The following BORCS8 variants were observed in gnomAD, a reference collection of about 807,000 sequenced individuals.
BORCS8 encodes BLOC-1 related complex subunit 8, also known as BLOC-1-related complex subunit 8.
Under a neutral mutation model 18.7 loss-of-function variants are expected in BORCS8, and 13 were observed. The ratio of observed to expected loss-of-function variants is 0.70; its 90% confidence interval spans 0.45 to 1.11. BORCS8 has a LOEUF of 1.11. Among genes scored for constraint, BORCS8 ranks in the 50% least tolerant of loss-of-function variants. The pLI, the probability that BORCS8 is intolerant of heterozygous loss-of-function variation, is 0.00. For missense variants in BORCS8, 165 were observed against 165.7 expected (o/e 1.00, Z 0.02); for synonymous variants, 68 against 64.8 (o/e 1.05, Z -0.24).
chr19:19,182,692 G>A lies in BORCS8; in HGVS notation c.216-9C>T, dbSNP rs1416760517. 1 of 1,549,444 alleles carries A rather than the reference G, an allele frequency of 6.5e-7. No individual in the cohort carries two copies. The highest frequency in any genetic ancestry group is 2.0e-5 in the Admixed American group (1 of 50,954). ...CCAGGTTCTTCACGGCGCTGAAACG[G>A]GAGGACAGGCCTGGTCAGCGCTCCG... is the stretch of plus-strand genomic sequence containing the variant. On this transcript the variant is annotated splice_polypyrimidine_tract_variant and intron_variant, in intron 3 of 5. Transcript: ENST00000462790. The surrounding 1 kb of genome is among the most constrained non-coding windows in gnomAD (Gnocchi z 4.1).
chr19:19,177,710 AAAGAAAAG>A (rs1036286671), intron 5 of BORCS8: 1 of 92,588 alleles, frequency 1.1e-5, no homozygotes, highest in Non-Finnish European at 2.2e-5. Flanking sequence ...AAAGAAAAGA[AAAGAAAAG>A]AAAAGAAAAG....
chr19:19,180,352 T>G lies in BORCS8; in HGVS notation c.*42+334A>C, dbSNP rs756793. 9.2e-3 allele frequency: 3,273 copies of G among 354,486 alleles called. 106 individuals are homozygous for G. The highest frequency in any genetic ancestry group is 0.083 in the East Asian group (1,164 of 14,044). The allele number at this position is 354,486 out of a possible 1,614,324, so 22.0% of individuals were successfully genotyped here. On this transcript the variant is annotated intron_variant, in intron 5 of 5. Coordinates refer to ENST00000462790, the MANE Select transcript of BORCS8 (RefSeq NM_001145784.2). ...GAGACTGTGCACGGGTAAAGCAGGCTGCTGGCACGTGGTAGGATAGAGGAA... is the reference window on the plus strand; with the variant it reads ...GAGACTGTGCACGGGTAAAGCAGGCGGCTGGCACGTGGTAGGATAGAGGAA...
chr19:19,185,667 C>T lies in BORCS8; in HGVS notation c.215+367G>A, dbSNP rs575603344. On this transcript the variant is annotated intron_variant, in intron 3 of 5. Coordinates refer to ENST00000462790, the MANE Select transcript of BORCS8 (RefSeq NM_001145784.2). Reference sequence around the variant, plus strand: ...TGCCACTGCACTCCAGCCTGGGTGACAGAGTAAGATTCTGTCTCAAAAAAA... The same window carrying T: ...TGCCACTGCACTCCAGCCTGGGTGATAGAGTAAGATTCTGTCTCAAAAAAA... 1.2e-4 allele frequency among the ~76,000 whole-genome samples: 18 copies of T among 152,318 alleles called. No individual in the cohort carries two copies. The South Asian group carries it at 3.7e-3, about 32-fold the overall frequency.
At chr19:19,177,758 G>GAAAAGAAAAGAA in intron 5 of BORCS8, 2 of 174,738 alleles carry the variant, frequency 1.1e-5, no homozygotes, top group African/African-American at 4.8e-5. Context: ...GAAAAGAAAG[G>GAAAAGAAAAGAA]AAGAAAGAAA....
chr19:19,191,320 CAAA>C (rs35108076), intron 1 of BORCS8, among the ~76,000 whole-genome samples: 10 of 137,518 alleles, frequency 7.3e-5, no homozygotes, highest in Non-Finnish European at 1.6e-4. Context: ...GAGACTCCGT[CAAA>C]AAAAAAAAAA....
In BORCS8 at chr19:19,187,558, G is replaced by C. The variant is rs570773816; in HGVS notation, c.38-553C>G. ...GAGTAAACTTCTTTTTTTTTTTTTT[G>C]AGACAGAGTCTTGCTCTGTCATCAG... On this transcript the variant is annotated intron_variant, in intron 1 of 5. Coordinates refer to ENST00000462790, the MANE Select transcript of BORCS8 (RefSeq NM_001145784.2). 7.2e-3 allele frequency among the ~76,000 whole-genome samples: 831 copies of C among 115,544 alleles called. 5 individuals are homozygous for C. The highest frequency in any genetic ancestry group is 0.011 in the Non-Finnish European group (603 of 55,584). 75.8% of individuals were successfully genotyped at this position (115,544 alleles called of 152,430 possible).
chr19:19,181,465 C>A (rs139573896), intron 4 of BORCS8, among the ~76,000 whole-genome samples: 1 of 152,352 alleles, frequency 6.6e-6, no homozygotes, highest in Non-Finnish European at 1.5e-5. Flanking sequence ...TCAGCAGCAA[C>A]TCAAGCTGCT....
At chr19:19,186,298 TC>T in intron 2 of BORCS8, among the ~76,000 whole-genome samples, 200 bp from the exon 3 acceptor site, 1 of 152,296 alleles carries the variant, frequency 6.6e-6, no homozygotes, top group East Asian at 1.9e-4. Context: ...CACAGGCTGT[TC>T]CCCCTGCCTG....
chr19:19,178,092 T>G (rs954693001), intron 5 of BORCS8: 1 of 152,338 alleles, frequency 6.6e-6, no homozygotes, highest in African/African-American at 2.4e-5. Flanking sequence ...AGACCTGCCT[T>G]TTGGGGCTGA....
chr19:19,189,696 G>T lies in BORCS8; in HGVS notation c.37+2385C>A, dbSNP rs193206720. On this transcript the variant is annotated intron_variant, in intron 1 of 5. Transcript: ENST00000462790. ...ATCCCAGCACTTTGGCAGGAGGATGGATTCAGCCTAGGAGTTCAAGACCAG... is the reference window on the plus strand; with the variant it reads ...ATCCCAGCACTTTGGCAGGAGGATGTATTCAGCCTAGGAGTTCAAGACCAG... 3.3e-3 allele frequency among the ~76,000 whole-genome samples: 504 copies of T among 152,084 alleles called. 2 individuals carry two copies. The highest frequency in any genetic ancestry group is 0.011 in the African/African-American group (460 of 41,528).
In BORCS8 at chr19:19,177,679, AGGAAGGAAGGAAGGAAG is replaced by A. The variant is rs1405849641; in HGVS notation, c.*43-236_*43-220del. 1.4e-3 allele frequency: 129 copies of A among 91,470 alleles called. 4 individuals carry two copies. Among genetic ancestry groups the A allele is most frequent in the East Asian group, 3.4e-3 (11 of 3,200 alleles). The allele number at this position is 91,470 out of a possible 1,614,324, so 5.7% of individuals were successfully genotyped here. On this transcript the variant is annotated intron_variant, in intron 5 of 5. Transcript: ENST00000462790. ...AAGGAAGGAAGGAAGGAAGGAAGGA[AGGAAGGAAGGAAGGAAG>A]AGAAAAGAAAAGAAAAGAAAAGAAA...
chr19:19,192,066 G>A lies in BORCS8; in HGVS notation c.37+15C>T. 2 of 1,550,566 alleles carry A rather than the reference G, an allele frequency of 1.3e-6. No homozygotes were observed. Among genetic ancestry groups the A allele is most frequent in the Non-Finnish European group, 8.7e-7 (1 of 1,146,544 alleles). ...GTTACCGGCCCCCTCTGTCCCGCCC[G>A]CAGGCCCGCACCACCTTTCTTCCCC... On this transcript the variant is annotated intron_variant, in intron 1 of 5. Transcript: ENST00000462790.
At chr19:19,188,600 G>C (rs1308894937) in intron 1 of BORCS8, among the ~76,000 whole-genome samples, 2 of 152,130 alleles carry the variant, frequency 1.3e-5, no homozygotes, top group African/African-American at 4.8e-5. Context: ...AAAGTGCCTG[G>C]AAGTTCACAT....
intron 5 of BORCS8, chr19:19,179,744 C>T (rs2146410185): frequency 6.5e-6 from 1 of 152,942 alleles, no homozygotes; most frequent in South Asian, 2.1e-4. Flanking sequence ...GTCAGCCACA[C>T]CTCCCACAGC....
chr19:19,178,943 G>A (rs1226106039), intron 5 of BORCS8: 1 of 148,316 alleles, frequency 6.7e-6, no homozygotes, highest in East Asian at 2.0e-4. Flanking sequence ...CTGGGTGACA[G>A]AGTGAGACTC....
intron 1 of BORCS8, among the ~76,000 whole-genome samples, chr19:19,188,833 ATT>A (rs1017690295): frequency 6.7e-6 from 1 of 148,742 alleles, no homozygotes; most frequent in Non-Finnish European, 1.5e-5. Flanking sequence ...TCCTGATGAA[ATT>A]TTTTTTTTCT....
chr19:19,190,728 C>T (rs1380715686), intron 1 of BORCS8, among the ~76,000 whole-genome samples: 1 of 152,044 alleles, frequency 6.6e-6, no homozygotes, highest in Non-Finnish European at 1.5e-5. Context: ...GCGGAGGTTG[C>T]CGTGAGCCAT....
At chr19:19,187,295 G>A (rs79508475) in intron 1 of BORCS8, among the ~76,000 whole-genome samples, 1 of 151,854 alleles carries the variant, frequency 6.6e-6, no homozygotes, top group Non-Finnish European at 1.5e-5. Flanking sequence ...GGCCATCATG[G>A]TAAAACCCAT....
At chr19:19,188,154 C>T (rs2060429063) in intron 1 of BORCS8, among the ~76,000 whole-genome samples, 1 of 151,930 alleles carries the variant, frequency 6.6e-6, no homozygotes, top group Non-Finnish European at 1.5e-5. Context: ...CTCAGCCTCC[C>T]GCGTAGCTGG....
Sources: allele counts gnomAD v4.1 joint callset (sites outside exome capture counted in the v4.1 genomes callset), GRCh38; gene constraint gnomAD v4.1.1; non-coding constraint Gnocchi (gnomAD v3.1); transcripts MANE v1.5; gene names NCBI Gene and HGNC (gene_info 2026-07-23, HGNC 2026-07-21).